Variants in MBD5 observed in about 807,000 individuals in gnomAD.
MBD5 encodes methyl-CpG-binding domain protein 5.
Under a neutral mutation model 117.3 loss-of-function variants are expected in MBD5, and 13 were observed. That is an observed-to-expected ratio of 0.11 (90% CI 0.07 to 0.18). MBD5 has a LOEUF of 0.18. MBD5 is among the 10% of genes least tolerant of loss of function. The pLI is 1.00. For missense variants in MBD5, 1,879 were observed against 2,093.8 expected, an observed-to-expected ratio of 0.90 and a Z score of 2.00; for synonymous variants, 727 against 766.4, an observed-to-expected ratio of 0.95 and a Z score of 0.85.
At chr2:148,319,502 G>T (rs1025645819) in intron 3 of MBD5, among the ~76,000 whole-genome samples, 3 of 152,028 alleles carry the variant, frequency 2.0e-5, no homozygotes, top group South Asian at 4.2e-4. Context: ...TTTTTGAGTG[G>T]TTTTTTGTAG....
intron 3 of MBD5, among the ~76,000 whole-genome samples, chr2:148,327,394 A>G (rs1702486146): frequency 6.6e-6 from 1 of 152,000 alleles, no homozygotes; most frequent in African/African-American, 2.4e-5. Flanking sequence ...GCCTTGCTAG[A>G]TTGGGGAAGT....
Position 148,513,115 on chromosome 2 carries a change from A to T in MBD5, c.*174A>T. On this transcript the variant is annotated 3_prime_UTR_variant, in exon 14 of 14. Transcript: ENST00000642680. ...TACAAAATTTTTTTGATCAGGAAGG[A>T]TAATGAATGCTGGAAAAGCCAATCA... 1.6e-6 allele frequency: 1 copy of T among 640,976 alleles called. No homozygotes were observed. The highest frequency in any genetic ancestry group is 2.7e-6 in the Non-Finnish European group (1 of 364,540). 39.7% of individuals were successfully genotyped at this position (640,976 alleles called of 1,614,324 possible). A position where few individuals can be genotyped will look rare whatever the true frequency, so the allele number is the denominator to read the frequency against.
At chr2:148,061,219 T>A in intron 1 of MBD5, among the ~76,000 whole-genome samples, 1 of 152,134 alleles carries the variant, frequency 6.6e-6, no homozygotes, top group East Asian at 1.9e-4. Context: ...GTTCGTGATG[T>A]TAAGTCTCAC....
chr2:148,240,645 A>G (rs558888017), intron 3 of MBD5, among the ~76,000 whole-genome samples: 2 of 152,302 alleles, frequency 1.3e-5, no homozygotes, highest in African/African-American at 2.4e-5. Flanking sequence ...TTTAGTATAT[A>G]TCTTCTTTTT....
intron 4 of MBD5, among the ~76,000 whole-genome samples, chr2:148,391,089 A>T (rs1274150281): frequency 1.3e-5 from 2 of 152,204 alleles, no homozygotes; most frequent in East Asian, 3.9e-4. Flanking sequence ...TCAAGCCAAT[A>T]AATTGAAACT....
chr2:148,235,432 T>C (rs1018216441), intron 3 of MBD5, among the ~76,000 whole-genome samples: 18 of 152,236 alleles, frequency 1.2e-4, no homozygotes, highest in African/African-American at 3.9e-4. Flanking sequence ...CTTTGTTTTT[T>C]ATTAATTTCA....
rs191862202 is a variant in MBD5, at chr2:148,185,354, G to C, written c.-831+6561G>C. Among the ~76,000 whole-genome samples the C allele has an allele frequency of 1.3e-3, 191 of 152,180 alleles. 1 individual carries two copies. The highest frequency in any genetic ancestry group is 3.9e-3 in the South Asian group (19 of 4,814). On this transcript the variant is annotated intron_variant, in intron 2 of 13. Transcript: ENST00000642680. ...CTATAGGAGTTGGTCTTTGGAGAGG[G>C]AACCAGACAGTGTACTATTCCAACA...
At chr2:148,361,079 G>T (rs1703519763) in intron 4 of MBD5, among the ~76,000 whole-genome samples, 1 of 152,134 alleles carries the variant, frequency 6.6e-6, no homozygotes, top group Non-Finnish European at 1.5e-5. Flanking sequence ...CAGGCGTGGT[G>T]GCTCATGCCT....
intron 3 of MBD5, among the ~76,000 whole-genome samples, chr2:148,266,963 T>C (rs1181666458): frequency 6.6e-6 from 1 of 152,176 alleles, no homozygotes; most frequent in Non-Finnish European, 1.5e-5. Flanking sequence ...AAGTGATTAC[T>C]GTATGTCACA....
intron 4 of MBD5, among the ~76,000 whole-genome samples, chr2:148,403,884 AC>A (rs892376948): frequency 2.6e-5 from 4 of 151,358 alleles, no homozygotes; most frequent in Non-Finnish European, 5.9e-5. Flanking sequence ...TCTTGTCCCC[AC>A]CCTCACCCCC....
At chr2:148,051,568 T>A (rs1694702060) in intron 1 of MBD5, among the ~76,000 whole-genome samples, 1 of 151,462 alleles carries the variant, frequency 6.6e-6, no homozygotes, top group Non-Finnish European at 1.5e-5. Context: ...AGATGTTCTG[T>A]CAGGCTGAGG....
At chr2:148,146,528 C>T (rs1315064310) in intron 1 of MBD5, among the ~76,000 whole-genome samples, 24 of 152,064 alleles carry the variant, frequency 1.6e-4, no homozygotes, top group East Asian at 1.9e-4. Context: ...TGATCCACCC[C>T]GCCTGGCCTT....
At chr2:148,290,038 C>A (rs1244461912) in intron 3 of MBD5, among the ~76,000 whole-genome samples, 6 of 149,406 alleles carry the variant, frequency 4.0e-5, no homozygotes, top group Non-Finnish European at 7.4e-5. Context: ...TCACTGCAAC[C>A]TCTACCTCCT....
chr2:148,385,053 G>A (rs1378492176), intron 4 of MBD5, among the ~76,000 whole-genome samples: 1 of 152,106 alleles, frequency 6.6e-6, no homozygotes, highest in Admixed American at 6.5e-5. Flanking sequence ...ATAGACATGG[G>A]CAAGGACTTC....
At chr2:148,496,996 T>G (rs1440928814) in intron 11 of MBD5, among the ~76,000 whole-genome samples, 1 of 152,114 alleles carries the variant, frequency 6.6e-6, no homozygotes, top group African/African-American at 2.4e-5. Context: ...TAAAAAATAT[T>G]GAAATATTGC....
intron 4 of MBD5, among the ~76,000 whole-genome samples, chr2:148,448,917 G>A (rs916271763): frequency 5.3e-5 from 8 of 151,906 alleles, no homozygotes; most frequent in Non-Finnish European, 8.8e-5. Context: ...TTATGTAAAT[G>A]CAGCCAAGTT....
At chr2:148,074,007 T>C (rs539430838) in intron 1 of MBD5, among the ~76,000 whole-genome samples, 1 of 152,306 alleles carries the variant, frequency 6.6e-6, no homozygotes, top group South Asian at 2.1e-4. Flanking sequence ...CTTTTTTTTT[T>C]CTTTTAAGAT....
At chr2:148,161,015 T>G (rs1232940401) in intron 1 of MBD5, among the ~76,000 whole-genome samples, 1 of 152,210 alleles carries the variant, frequency 6.6e-6, no homozygotes. Context: ...GCCTTCTACC[T>G]TTTCTTCTGT....
chr2:148,395,001 C>A (rs1574376539), intron 4 of MBD5, among the ~76,000 whole-genome samples: 1 of 152,010 alleles, frequency 6.6e-6, no homozygotes, highest in African/African-American at 2.4e-5. Flanking sequence ...TGTTTTTAGT[C>A]TTTGTCTCAG....
Sources: allele counts gnomAD v4.1 joint callset (sites outside exome capture counted in the v4.1 genomes callset), GRCh38; gene constraint gnomAD v4.1.1; transcripts MANE v1.5; gene names NCBI Gene and HGNC (gene_info 2026-07-23, HGNC 2026-07-21).